The following NPAS3 variants were observed in gnomAD, a reference collection of about 807,000 sequenced individuals.
NPAS3 encodes the protein neuronal PAS domain-containing protein 3.
A neutral mutation model predicts 73.1 loss-of-function variants in NPAS3; 14 were observed. The ratio of observed to expected loss-of-function variants is 0.19; its 90% CI spans 0.13 to 0.30. NPAS3 has a LOEUF of 0.30. Ranked by LOEUF, NPAS3 falls within the 10% of genes least tolerant of loss-of-function variation. The pLI is 1.00. For synonymous variants in NPAS3, 620 were observed against 541.5 expected (o/e 1.14, Z -2.01); for missense variants, 1,096 against 1,250.0 (o/e 0.88, Z 1.86).
intron 6 of NPAS3, among the ~76,000 whole-genome samples, chr14:33,703,443 A>G (rs1595469218): frequency 6.6e-6 from 1 of 152,176 alleles, no homozygotes; most frequent in African/African-American, 2.4e-5. Context: ...ACAGTGAGCC[A>G]TGATCATACT....
At chr14:33,138,389 A>G (rs1595529266) in intron 2 of NPAS3, among the ~76,000 whole-genome samples, 1 of 152,160 alleles carries the variant, frequency 6.6e-6, no homozygotes, top group African/African-American at 2.4e-5. Context: ...TACAGTAATT[A>G]TTACTTGAAT....
chr14:33,462,072 A>G (rs2050296283), intron 4 of NPAS3, among the ~76,000 whole-genome samples: 1 of 152,208 alleles, frequency 6.6e-6, no homozygotes, highest in Non-Finnish European at 1.5e-5. Flanking sequence ...TGTACTCTCC[A>G]TGACTGAGCA....
rs2039764335 is a variant in NPAS3 at position 33,025,385 on chromosome 14, G to A, written c.51-30520G>A. Among the ~76,000 whole-genome samples, 8 of 152,322 alleles carry A rather than the reference G, an allele frequency of 5.3e-5. No homozygotes were observed. In the South Asian group the frequency reaches 1.7e-3, roughly 32 times the overall value. On this transcript the variant is annotated intron_variant, in intron 1 of 11. Coordinates refer to ENST00000356141, the Ensembl canonical transcript of NPAS3. Reference sequence around the variant, plus strand: ...ATAATACACATAACACACCAAGCATGAAGCACACAGTAGGTATCAGTATTA... The same window carrying A: ...ATAATACACATAACACACCAAGCATAAAGCACACAGTAGGTATCAGTATTA...
chr14:33,793,959 A>G, exon 10 of NPAS3: 1 of 1,613,854 alleles, frequency 6.2e-7, no homozygotes, highest in Non-Finnish European at 8.5e-7. Flanking sequence ...CGGAGGATAT[A>G]TTTGGATACA....
intron 5 of NPAS3, among the ~76,000 whole-genome samples, chr14:33,658,948 G>A (rs2059228484): frequency 6.6e-6 from 1 of 152,028 alleles, no homozygotes; most frequent in Admixed American, 6.6e-5. Flanking sequence ...TGAATAGGTA[G>A]GCATAATAGA....
chr14:33,357,395 T>A (rs905067130), intron 3 of NPAS3, among the ~76,000 whole-genome samples: 3 of 152,174 alleles, frequency 2.0e-5, no homozygotes, highest in African/African-American at 7.2e-5. Context: ...GTGTGAAATG[T>A]TTGCACTGGT....
chr14:33,371,848 G>A (rs2046104578), intron 4 of NPAS3, among the ~76,000 whole-genome samples: 2 of 151,960 alleles, frequency 1.3e-5, no homozygotes, highest in South Asian at 2.1e-4. Context: ...TATCATCATC[G>A]AGTACCCACA....
chr14:33,510,589 G>T (rs2053001411), intron 4 of NPAS3, among the ~76,000 whole-genome samples: 1 of 151,660 alleles, frequency 6.6e-6, no homozygotes, highest in South Asian at 2.1e-4. Flanking sequence ...TGGGTAAGGT[G>T]TTAATAATGC....
At chr14:33,152,212 G>A (rs1043328601) in intron 2 of NPAS3, among the ~76,000 whole-genome samples, 11 of 152,094 alleles carry the variant, frequency 7.2e-5, no homozygotes, top group African/African-American at 2.7e-4. Context: ...TAGTACCAAG[G>A]TTGGGCAACT....
chr14:33,577,310 A>T (rs1024147560), intron 5 of NPAS3, among the ~76,000 whole-genome samples: 2 of 152,172 alleles, frequency 1.3e-5, no homozygotes, highest in Non-Finnish European at 2.9e-5. Context: ...CCAATATGAA[A>T]AATCTAAACC....
intron 4 of NPAS3, among the ~76,000 whole-genome samples, chr14:33,479,031 G>T (rs535624944): frequency 1.7e-4 from 26 of 152,186 alleles, no homozygotes; most frequent in African/African-American, 6.3e-4. Flanking sequence ...GTCAATTCCG[G>T]CCAAATGATG....
rs116269167 is a variant in NPAS3, at chr14:33,380,707, G to A, written c.468+13439G>A. Among the ~76,000 whole-genome samples the A allele has an allele frequency of 6.7e-3, 1,013 of 152,242 alleles. 9 individuals carry two copies. The highest frequency in any genetic ancestry group is 0.023 in the African/African-American group (967 of 41,546). On this transcript the variant is annotated intron_variant, in intron 4 of 11. Coordinates refer to ENST00000356141, the Ensembl canonical transcript of NPAS3. ...AATTAGTGAAATTATTATAAAATTT[G>A]TTGTTCTGGATGAATAAAATGTGTA...
At chr14:33,194,986 T>C (rs1379623956) in intron 2 of NPAS3, among the ~76,000 whole-genome samples, 1 of 152,124 alleles carries the variant, frequency 6.6e-6, no homozygotes, top group Non-Finnish European at 1.5e-5. Context: ...TAGGAACAAA[T>C]AGGAGTGTTG....
At position 33,497,771 on chromosome 14, in the gene NPAS3, T is replaced by C. The variant is rs768628405; in HGVS notation, c.469-62350T>C. Among the ~76,000 whole-genome samples the C allele has an allele frequency of 4.6e-5, 7 of 152,050 alleles. No individual in the cohort carries two copies. In the South Asian group the frequency reaches 6.2e-4, roughly 14 times the overall value. On this transcript the variant is annotated intron_variant, in intron 4 of 11. Transcript: ENST00000356141. ...TAGAAGAAAACCTAGGCAATACCATTCAAGACATAGGCATGGGCAGACTTC... is the reference window on the plus strand; with the variant it reads ...TAGAAGAAAACCTAGGCAATACCATCCAAGACATAGGCATGGGCAGACTTC...
chr14:33,682,589 T>C (rs565242709), intron 6 of NPAS3, among the ~76,000 whole-genome samples: 1 of 152,292 alleles, frequency 6.6e-6, no homozygotes, highest in African/African-American at 2.4e-5. Context: ...TGCAGTACCA[T>C]TTTTTCATGA....
chr14:33,584,862 G>A lies in NPAS3; in HGVS notation c.558+24652G>A, dbSNP rs117920575. Among the ~76,000 whole-genome samples the A allele has an allele frequency of 8.3e-3, 1,271 of 152,248 alleles. 9 individuals carry two copies. The highest frequency in any genetic ancestry group is 0.014 in the Non-Finnish European group (942 of 68,008). On this transcript the variant is annotated intron_variant, in intron 5 of 11. Transcript: ENST00000356141. ...GACATTTATGACTACCTATTAACAT[G>A]CACATGTTAACAGTAAATAAGGCGC...
intron 5 of NPAS3, among the ~76,000 whole-genome samples, chr14:33,645,504 T>A (rs754010497): frequency 7.2e-5 from 11 of 152,230 alleles, no homozygotes; most frequent in Non-Finnish European, 1.6e-4. Flanking sequence ...ATTGGATTAT[T>A]TAAAGCAATA....
chr14:33,014,310 A>G (rs2039318550), intron 1 of NPAS3, among the ~76,000 whole-genome samples: 2 of 152,216 alleles, frequency 1.3e-5, no homozygotes, highest in Non-Finnish European at 2.9e-5. Context: ...CTATTTCATA[A>G]TATGCTTTTA....
intron 4 of NPAS3, among the ~76,000 whole-genome samples, chr14:33,432,402 T>C: frequency 6.6e-6 from 1 of 152,216 alleles, no homozygotes; most frequent in East Asian, 1.9e-4. Flanking sequence ...AATCACTTTA[T>C]ATTTTCATAG....
Sources: allele counts gnomAD v4.1 joint callset (sites outside exome capture counted in the v4.1 genomes callset), GRCh38; gene constraint gnomAD v4.1.1; transcripts MANE v1.5; gene names NCBI Gene and HGNC (gene_info 2026-07-23, HGNC 2026-07-21).